Variants in FAM168A observed in about 807,000 individuals in gnomAD.
FAM168A encodes protein FAM168A.
A neutral mutation model predicts 28.5 loss-of-function variants in FAM168A; 3 were observed. The observed-to-expected ratio is 0.11, with a 90% CI of 0.05 to 0.27. The LOEUF is 0.27. FAM168A is among the 10% of genes least tolerant of loss of function. The pLI is 1.00. For synonymous variants in FAM168A, 122 were observed against 124.2 expected (o/e 0.98, Z 0.12); for missense variants, 222 against 311.5 (o/e 0.71, Z 2.16).
chr11:73,485,209 C>G (rs1868037473), intron 1 of FAM168A, among the ~76,000 whole-genome samples: 1 of 152,020 alleles, frequency 6.6e-6, no homozygotes, highest in South Asian at 2.1e-4. Context: ...TTCCATTGAC[C>G]AAGTTTTTAC....
At chr11:73,561,323 C>T (rs918558319) in intron 1 of FAM168A, among the ~76,000 whole-genome samples, 2 of 151,792 alleles carry the variant, frequency 1.3e-5, no homozygotes, top group Admixed American at 6.6e-5. Flanking sequence ...TGCAGTGAGC[C>T]GAGATCACGC....
chr11:73,586,614 A>G (rs1351276417), intron 1 of FAM168A, among the ~76,000 whole-genome samples: 1 of 152,184 alleles, frequency 6.6e-6, no homozygotes, highest in Non-Finnish European at 1.5e-5. Flanking sequence ...AGATAAAATA[A>G]TGTTTAGCAC....
chr11:73,412,799 C>T (rs1866636382), intron 4 of FAM168A, among the ~76,000 whole-genome samples: 1 of 152,158 alleles, frequency 6.6e-6, no homozygotes, highest in Non-Finnish European at 1.5e-5. Flanking sequence ...CCTCACTGAA[C>T]CTCTCTGGGC....
intron 1 of FAM168A, among the ~76,000 whole-genome samples, chr11:73,576,829 CAG>C (rs1385842470): frequency 3.9e-5 from 6 of 152,142 alleles, no homozygotes; most frequent in Admixed American, 3.9e-4. Flanking sequence ...CAAATAAACA[CAG>C]AGAGACAAGA....
chr11:73,494,964 C>T (rs187049425), intron 1 of FAM168A, among the ~76,000 whole-genome samples: 180 of 151,082 alleles, frequency 1.2e-3, no homozygotes, highest in African/African-American at 4.2e-3. Flanking sequence ...CAAGATCATG[C>T]CAATGAACTC....
intron 4 of FAM168A, among the ~76,000 whole-genome samples, chr11:73,417,800 C>G (rs1866722351): frequency 6.6e-6 from 1 of 152,070 alleles, no homozygotes; most frequent in Non-Finnish European, 1.5e-5. Flanking sequence ...ACCTTGTGAT[C>G]CGCCCACCTC....
At chr11:73,563,202 T>A (rs1023047790) in intron 1 of FAM168A, among the ~76,000 whole-genome samples, 4 of 152,318 alleles carry the variant, frequency 2.6e-5, no homozygotes, top group Admixed American at 6.5e-5. Context: ...AAGGCAGACA[T>A]CTCAAACATT....
chr11:73,581,240 T>C (rs554053706), intron 1 of FAM168A, among the ~76,000 whole-genome samples: 2 of 152,366 alleles, frequency 1.3e-5, no homozygotes, highest in Admixed American at 1.3e-4. Flanking sequence ...AGTTGTTGTA[T>C]ACTGTTAACG....
intron 1 of FAM168A, among the ~76,000 whole-genome samples, chr11:73,500,746 A>G (rs1392972375): frequency 1.3e-5 from 2 of 152,238 alleles, no homozygotes; most frequent in Non-Finnish European, 2.9e-5. Flanking sequence ...ACCAAAATAT[A>G]AAGACAAATG....
chr11:73,467,777 T>C (rs899890643), intron 2 of FAM168A, among the ~76,000 whole-genome samples: 2 of 152,206 alleles, frequency 1.3e-5, no homozygotes, highest in Admixed American at 1.3e-4. Context: ...ACAAGCTCCA[T>C]GAGCTAGTAG....
chr11:73,563,930 G>C (rs115236808), intron 1 of FAM168A, among the ~76,000 whole-genome samples: 2,417 of 152,292 alleles, frequency 0.016, 64 homozygotes, highest in African/African-American at 0.056. Flanking sequence ...GATTAGGGTA[G>C]ACTATGGTGG....
At chr11:73,564,112 G>C (rs969304176) in intron 1 of FAM168A, among the ~76,000 whole-genome samples, 15 of 152,190 alleles carry the variant, frequency 9.9e-5, no homozygotes, top group African/African-American at 3.1e-4. Context: ...TTCTATAGCG[G>C]CTTACAAAAG....
intron 4 of FAM168A, 29 bp downstream of exon 4, chr11:73,419,845 A>G (rs781535840): frequency 6.2e-7 from 1 of 1,613,050 alleles, no homozygotes; most frequent in South Asian, 1.1e-5. Context: ...AACCAAGGGG[A>G]ACAAGGAAAT....
intron 1 of FAM168A, among the ~76,000 whole-genome samples, chr11:73,504,961 A>G (rs559990415): frequency 2.6e-5 from 4 of 152,290 alleles, no homozygotes; most frequent in Non-Finnish European, 4.4e-5. Context: ...CACTGAGAAC[A>G]CATGGACACA....
intron 1 of FAM168A, among the ~76,000 whole-genome samples, chr11:73,572,638 G>A (rs58764568): frequency 0.076 from 11,341 of 148,740 alleles, 383 homozygotes; most frequent in Admixed American, 0.11. Context: ...GATTAAGGGC[G>A]GTGCAAGATG....
rs57288336 is a variant in FAM168A, at chr11:73,406,516, A to G, written c.*247T>C. The G allele has an allele frequency of 0.069, 10,584 of 152,502 alleles. 1,110 individuals are homozygous for G. The highest frequency in any genetic ancestry group is 0.22 in the African/African-American group (9,328 of 41,496). 9.4% of individuals were successfully genotyped at this position (152,502 alleles called of 1,614,324 possible). A position where few individuals can be genotyped will look rare whatever the true frequency, so the allele number is the denominator to read the frequency against. On this transcript the variant is annotated 3_prime_UTR_variant, in exon 8 of 8. Transcript: ENST00000356467. ...GGCCTGGTCAGGTAGGAGGAAGGGG[A>G]TAGAGCTGGAAGGGCAGGGGCTAAG...
chr11:73,518,110 C>T (rs964223817), intron 1 of FAM168A, among the ~76,000 whole-genome samples: 2 of 152,194 alleles, frequency 1.3e-5, no homozygotes, highest in African/African-American at 4.8e-5. Context: ...TAGTAAGTGA[C>T]AGAACCAAGC....
rs150284296 is a variant in FAM168A at position 73,501,830 on chromosome 11, G to A, written c.-18-33338C>T. On this transcript the variant is annotated intron_variant, in intron 1 of 7. Transcript: ENST00000356467. The stretch of plus-strand genomic sequence containing the variant: ...CAAAAGCTAGCAGAAGGCCGGGCGC[G>A]GTGGCTCAAGCCTGTAATCCCAGCA... Among the ~76,000 whole-genome samples the A allele has an allele frequency of 4.3e-3, 658 of 152,172 alleles. 8 individuals are homozygous for A. Among genetic ancestry groups the A allele is most frequent in the African/African-American group, 0.013 (540 of 41,532 alleles).
chr11:73,488,836 A>G (rs1485831171), intron 1 of FAM168A, among the ~76,000 whole-genome samples: 3 of 152,298 alleles, frequency 2.0e-5, no homozygotes, highest in Admixed American at 6.5e-5. Context: ...TAAATACATA[A>G]AATAAACAAA....
Sources: allele counts gnomAD v4.1 joint callset (sites outside exome capture counted in the v4.1 genomes callset), GRCh38; gene constraint gnomAD v4.1.1; transcripts MANE v1.5; gene names NCBI Gene and HGNC (gene_info 2026-07-23, HGNC 2026-07-21).